The following PRTG variants were observed in gnomAD, a reference collection of about 807,000 sequenced individuals.
PRTG encodes the protein immunoglobulin superfamily, DCC subclass, member 5.
Under a neutral mutation model 122.5 loss-of-function variants are expected in PRTG, and 67 were observed. That is an observed-to-expected ratio of 0.55 (90% CI 0.45 to 0.67). The LOEUF (loss-of-function observed/expected upper bound fraction) is 0.67. Ranked by LOEUF, PRTG falls within the 30% of genes least tolerant of loss-of-function variation. PRTG has a pLI of 0.00. For missense variants in PRTG, 1,435 were observed against 1,415.4 expected, an observed-to-expected ratio of 1.01 and a Z score of -0.22; for synonymous variants, 554 against 501.1, an observed-to-expected ratio of 1.11 and a Z score of -1.41.
intron 2 of PRTG, among the ~76,000 whole-genome samples, chr15:55,732,879 G>A (rs1161855427): frequency 6.6e-6 from 1 of 152,132 alleles, no homozygotes; most frequent in Non-Finnish European, 1.5e-5. Context: ...TAGGTAGTAG[G>A]CCAAACACAT....
intron 2 of PRTG, among the ~76,000 whole-genome samples, chr15:55,698,149 A>G (rs1300246135): frequency 6.6e-6 from 1 of 152,088 alleles, no homozygotes; most frequent in Non-Finnish European, 1.5e-5. Flanking sequence ...ATTCTTTTGC[A>G]TCACTCTCTC....
intron 2 of PRTG, among the ~76,000 whole-genome samples, chr15:55,693,682 C>T (rs2059617325): frequency 6.6e-6 from 1 of 152,102 alleles, no homozygotes; most frequent in African/African-American, 2.4e-5. Context: ...AATCTCAAGC[C>T]TCAGTATCCC....
At chr15:55,742,638 C>T in intron 1 of PRTG, 200 bp downstream of exon 1, 2 of 609,422 alleles carry the variant, frequency 3.3e-6, no homozygotes, top group Non-Finnish European at 5.5e-6. Context: ...GCCCAAGCAG[C>T]GCAGAGGCCG....
chr15:55,715,437 A>G (rs908973032), intron 2 of PRTG, among the ~76,000 whole-genome samples: 55 of 152,328 alleles, frequency 3.6e-4, no homozygotes, highest in Middle Eastern at 3.4e-3. Flanking sequence ...AAGAATCAGG[A>G]ATCCTTATGC....
chr15:55,628,776 C>CT (rs756186248), intron 16 of PRTG, 46 bp downstream of exon 16: 35 of 1,487,190 alleles, frequency 2.4e-5, no homozygotes, highest in Non-Finnish European at 3.1e-5. Flanking sequence ...AGGAAGAACA[C>CT]TTTTTTTCTT....
In PRTG at chr15:55,612,448, T is replaced by G. The variant is rs180734729; in HGVS notation, c.*7564A>C. 44 of 151,806 alleles carry G rather than the reference T, an allele frequency of 2.9e-4. No homozygotes were observed. In the East Asian group the frequency reaches 7.7e-3, roughly 27 times the overall value. 9.4% of individuals were successfully genotyped at this position (151,806 alleles called of 1,614,324 possible). ...AAGAAAAAAGGGAAAATATTTCCTC[T>G]AAAAAAAGAAGCCAATCATATAATT... On this transcript the variant is annotated 3_prime_UTR_variant, in exon 20 of 20. Transcript: ENST00000389286.
chr15:55,632,192 A>C (rs535353372), intron 15 of PRTG, among the ~76,000 whole-genome samples: 1 of 152,244 alleles, frequency 6.6e-6, no homozygotes, highest in East Asian at 1.9e-4. Flanking sequence ...CTCAAATTTC[A>C]CACTTTCAAA....
At chr15:55,717,993 T>C (rs538072406) in intron 2 of PRTG, among the ~76,000 whole-genome samples, 7 of 152,324 alleles carry the variant, frequency 4.6e-5, no homozygotes, top group African/African-American at 1.4e-4. Context: ...CTTTGCTCCG[T>C]GAGAAAGATC....
At chr15:55,708,163 A>AAC (rs1161666784) in intron 2 of PRTG, among the ~76,000 whole-genome samples, 7 of 97,666 alleles carry the variant, frequency 7.2e-5, no homozygotes, top group African/African-American at 2.4e-4. Context: ...AAAAAAAAAA[A>AAC]AAAAAAAAAA....
chr15:55,743,132 G>A lies in PRTG; in HGVS notation c.-201C>T. 3.2e-6 allele frequency: 4 copies of A among 1,257,336 alleles called. No homozygotes were observed. Among genetic ancestry groups the A allele is most frequent in the Middle Eastern group, 3.1e-4 (1 of 3,254 alleles). 77.9% of individuals were successfully genotyped at this position (1,257,336 alleles called of 1,614,324 possible). The stretch of plus-strand genomic sequence containing the variant: ...CGCTCGCGAGAAGCAAGGGGCCTGA[G>A]AGTCCGGCTGGGGGCGGAGTGAGGC... On this transcript the variant is annotated 5_prime_UTR_variant, in exon 1 of 20. Transcript: ENST00000389286.
At chr15:55,644,837 T>C (rs2059311546) in intron 11 of PRTG, among the ~76,000 whole-genome samples, 1 of 152,072 alleles carries the variant, frequency 6.6e-6, no homozygotes, top group African/African-American at 2.4e-5. Flanking sequence ...TTATAGGACA[T>C]AGGACATACT....
At chr15:55,652,693 C>A (rs138054586) in intron 11 of PRTG, among the ~76,000 whole-genome samples, 1 of 152,144 alleles carries the variant, frequency 6.6e-6, no homozygotes, top group African/African-American at 2.4e-5. Flanking sequence ...GAAAGGGAGC[C>A]GAGTGAAACG....
intron 2 of PRTG, among the ~76,000 whole-genome samples, chr15:55,728,096 GCTCAGGC>G (rs2141879017): frequency 6.6e-6 from 1 of 152,154 alleles, no homozygotes; most frequent in East Asian, 1.9e-4. Context: ...AAACTTCTGA[GCTCAGGC>G]AATCCGCCCA....
intron 2 of PRTG, among the ~76,000 whole-genome samples, chr15:55,690,164 C>G (rs970061924): frequency 1.3e-5 from 2 of 152,174 alleles, no homozygotes; most frequent in East Asian, 3.8e-4. Context: ...GTTAACCATG[C>G]TGATAGGCTC....
At chr15:55,653,789 C>T (rs1259763561) in intron 11 of PRTG, among the ~76,000 whole-genome samples, 1 of 152,138 alleles carries the variant, frequency 6.6e-6, no homozygotes, top group African/African-American at 2.4e-5. Context: ...TTAAAACCTC[C>T]CCCAAATGAC....
chr15:55,709,567 T>G (rs1404845587), intron 2 of PRTG, among the ~76,000 whole-genome samples: 1 of 151,966 alleles, frequency 6.6e-6, no homozygotes, highest in Non-Finnish European at 1.5e-5. Flanking sequence ...GTTTACACAA[T>G]GACTTATACA....
At chr15:55,647,223 G>A (rs1181219994) in intron 11 of PRTG, among the ~76,000 whole-genome samples, 1 of 152,044 alleles carries the variant, frequency 6.6e-6, no homozygotes, top group Non-Finnish European at 1.5e-5. Flanking sequence ...GCTGTTGCAT[G>A]AGCCGAGATC....
chr15:55,682,284 C>A, intron 4 of PRTG, 80 bp downstream of exon 4: 1 of 1,166,874 alleles, frequency 8.6e-7, no homozygotes, highest in Non-Finnish European at 1.1e-6. Context: ...CTTTATGGCA[C>A]ATTATTACAG....
intron 18 of PRTG, among the ~76,000 whole-genome samples, chr15:55,623,816 G>C (rs925492854): frequency 3.3e-5 from 5 of 152,146 alleles, no homozygotes; most frequent in African/African-American, 1.2e-4. Context: ...TCTTCCAATG[G>C]TGTTTCTGTA....
Sources: gnomAD v4.1 joint callset for allele counts (sites outside exome capture counted in the v4.1 genomes callset) on GRCh38, gnomAD v4.1.1 for gene constraint, MANE v1.5 for transcripts, NCBI Gene and HGNC (gene_info 2026-07-23, HGNC 2026-07-21) for gene names.